The following ST13 variants were observed in gnomAD, a reference collection of about 807,000 sequenced individuals.
ST13 encodes hsc70-interacting protein.
ST13 carries 23 observed loss-of-function variants against 56.7 expected under a neutral mutation model. That is an observed-to-expected ratio of 0.41 (90% CI 0.29 to 0.57). ST13 has a LOEUF of 0.57. Ranked by LOEUF, ST13 falls within the 20% of genes least tolerant of loss-of-function variation. ST13 has a pLI of 0.36. For missense variants in ST13, 369 were observed against 459.9 expected (o/e 0.80, Z 1.81); for synonymous variants, 132 against 142.4 (o/e 0.93, Z 0.52).
At chr22:40,837,121 T>A (rs1045296974) in intron 5 of ST13, among the ~76,000 whole-genome samples, 16 of 152,246 alleles carry the variant, frequency 1.1e-4, no homozygotes, top group African/African-American at 3.9e-4. Context: ...CAGAAATTTT[T>A]AAATAAATGT....
At chr22:40,835,710 T>TA (rs779367716) in intron 6 of ST13, 40 bp from the exon 7 acceptor site, 2 of 1,603,620 alleles carry the variant, frequency 1.2e-6, no homozygotes, top group South Asian at 2.2e-5. Context: ...TTCATTTCAG[T>TA]AAAAGTTTTG....
At chr22:40,837,825 TG>T (rs1254067114) in intron 5 of ST13, among the ~76,000 whole-genome samples, 2 of 152,306 alleles carry the variant, frequency 1.3e-5, no homozygotes, top group African/African-American at 4.8e-5. Flanking sequence ...TAATTTTTTG[TG>T]TTTAAGAGAT....
At chr22:40,827,001 A>C in intron 11 of ST13, 95 bp downstream of exon 11, 1 of 1,369,820 alleles carries the variant, frequency 7.3e-7, no homozygotes, top group Non-Finnish European at 9.9e-7. Context: ...GTGATAAATA[A>C]AAAATAGCTA....
At chr22:40,840,188 G>A (rs901654068) in intron 5 of ST13, among the ~76,000 whole-genome samples, 6 of 151,912 alleles carry the variant, frequency 3.9e-5, no homozygotes, top group African/African-American at 1.2e-4. Flanking sequence ...AAACAAAACC[G>A]AATACTATCA....
At chr22:40,851,116 AATAAAC>A (rs2057859182) in intron 1 of ST13, among the ~76,000 whole-genome samples, 1 of 152,112 alleles carries the variant, frequency 6.6e-6, no homozygotes, top group Non-Finnish European at 1.5e-5. Flanking sequence ...CAATGAGTCA[AATAAAC>A]ATAATGTATA....
rs1012822933 is a variant in ST13 at position 40,835,805 on chromosome 22, G to A, written c.465C>T (p.Ala155=). ...GCTTTTCTGTTTAGAGTTCTCACCT[G>A]GCCCTCTTGGCATACAAAATGGCCA... is the stretch of plus-strand genomic sequence containing the variant. ...PRLAILYAKR[A]SVFVKLQKPN... Residue 155 remains alanine (A), a splice_region_variant and synonymous_variant, in exon 6 of 12, where the codon GCC becomes GCT. Transcript: ENST00000216218. 2 of 1,613,464 alleles carry A rather than the reference G, an allele frequency of 1.2e-6. No individual in the cohort carries two copies. Among genetic ancestry groups the A allele is most frequent in the Admixed American group, 1.7e-5 (1 of 59,982 alleles).
Position 40,827,318 on chromosome 22 carries a change from TGG to T in ST13, c.848-91_848-90del, listed in dbSNP as rs2057733615. The T allele has an allele frequency of 8.7e-6, 12 of 1,378,608 alleles. No homozygotes were observed. The East Asian group carries it at 2.8e-4, about 32-fold the overall frequency. 85.4% of individuals were successfully genotyped at this position (1,378,608 alleles called of 1,614,324 possible). ...ACAAAAAGTACAGGTTCAAAGAATA[TGG>T]GTGCCACTAAGCACAAAGTAGTCTG... On this transcript the variant is annotated intron_variant, in intron 10 of 11. Transcript: ENST00000216218.
chr22:40,856,112 G>A (rs1306155670), intron 1 of ST13, among the ~76,000 whole-genome samples: 1 of 152,076 alleles, frequency 6.6e-6, no homozygotes, highest in East Asian at 1.9e-4. Context: ...ACAACCCCAC[G>A]CAAAATCTAA....
intron 5 of ST13, among the ~76,000 whole-genome samples, chr22:40,838,952 G>C (rs1033278243): frequency 6.6e-6 from 1 of 151,664 alleles, no homozygotes; most frequent in East Asian, 1.9e-4. Context: ...AGTCTGACTG[G>C]AGAAAACAAG....
intron 10 of ST13, among the ~76,000 whole-genome samples, chr22:40,827,571 G>A (rs866764171): frequency 4.6e-5 from 7 of 152,084 alleles, no homozygotes; most frequent in African/African-American, 1.4e-4. Context: ...TCTGCCTCCC[G>A]GGTTTAAGCA....
chr22:40,828,510 G>A (rs1602648129), intron 10 of ST13, among the ~76,000 whole-genome samples: 2 of 152,046 alleles, frequency 1.3e-5, no homozygotes, highest in African/African-American at 4.8e-5. Flanking sequence ...CTACTCGGGA[G>A]GCTGAGGCAG....
In ST13 at chr22:40,826,480, C is replaced by T. The variant is rs2011512773; in HGVS notation, c.*58G>A. 1 of 1,574,312 alleles carries T rather than the reference C, an allele frequency of 6.4e-7. No individual in the cohort carries two copies. The highest frequency in any genetic ancestry group is 1.7e-5 in the Admixed American group (1 of 58,692). ...ACACTGGTTTGTATTATTGCGACAT[C>T]CATAAGGTGATCTAGGTTGCTTTTC... On this transcript the variant is annotated 3_prime_UTR_variant, in exon 12 of 12. Coordinates refer to ENST00000216218, the MANE Select transcript of ST13 (RefSeq NM_003932.5).
At chr22:40,833,163 T>A (rs1409649231) in intron 7 of ST13, among the ~76,000 whole-genome samples, 1 of 152,240 alleles carries the variant, frequency 6.6e-6, no homozygotes, top group African/African-American at 2.4e-5. Context: ...TCACTGGGTA[T>A]ACCTTTTAAC....
intron 4 of ST13, among the ~76,000 whole-genome samples, chr22:40,842,836 T>C (rs761828819): frequency 2.0e-4 from 30 of 152,336 alleles, no homozygotes; most frequent in Admixed American, 4.6e-4. Flanking sequence ...AGAAAGTACT[T>C]ACATTTGTTC....
chr22:40,848,774 T>C (rs2145748520), intron 2 of ST13, among the ~76,000 whole-genome samples: 1 of 152,228 alleles, frequency 6.6e-6, no homozygotes, highest in Non-Finnish European at 1.5e-5. Context: ...CAAAATAAAG[T>C]TTGAACATTG....
In ST13 at chr22:40,856,549, G is replaced by A; in HGVS notation, c.-9C>T. 1 of 1,610,446 alleles carries A rather than the reference G, an allele frequency of 6.2e-7. No individual in the cohort carries two copies. Among genetic ancestry groups the A allele is most frequent in the Non-Finnish European group, 8.5e-7 (1 of 1,178,544 alleles). ...ACTTTGCGGGGGTCCATGGTAGGGA[G>A]GTGGTGGGCGAAACTGGGGGGGCTA... On this transcript the variant is annotated 5_prime_UTR_variant, in exon 1 of 12. Coordinates refer to ENST00000216218, the MANE Select transcript of ST13 (RefSeq NM_003932.5).
At chr22:40,840,715 C>G (rs1360479828) in intron 4 of ST13, 23 bp from the exon 5 acceptor site, 3 of 1,596,230 alleles carry the variant, frequency 1.9e-6, no homozygotes, top group Admixed American at 3.5e-5. Context: ...TAAAAATCAT[C>G]TTAGAATTAG....
In ST13 at chr22:40,845,367, T is replaced by G. The variant is rs191801175; in HGVS notation, c.245-458A>C. 1.4e-3 allele frequency among the ~76,000 whole-genome samples: 217 copies of G among 151,548 alleles called. 4 individuals carry two copies. The South Asian group carries it at 0.025, about 17-fold the overall frequency. ...TCCTTTTTTAAAATTAAAATAATTT[T>G]GGGGGGGGCACAGGATCTTACTATG... On this transcript the variant is annotated intron_variant, in intron 3 of 11. Transcript: ENST00000216218.
At chr22:40,839,814 T>A (rs1316460792) in intron 5 of ST13, among the ~76,000 whole-genome samples, 1 of 149,496 alleles carries the variant, frequency 6.7e-6, no homozygotes, top group Non-Finnish European at 1.5e-5. Context: ...AAGAAAAAAA[T>A]AATAACCTAT....
Sources: gnomAD v4.1 joint callset for allele counts (sites outside exome capture counted in the v4.1 genomes callset) on GRCh38, gnomAD v4.1.1 for gene constraint, MANE v1.5 for transcripts, NCBI Gene and HGNC (gene_info 2026-07-23, HGNC 2026-07-21) for gene names.